Variants in CSMD1 observed in about 807,000 individuals in gnomAD.
The protein encoded by CSMD1 is CUB and sushi domain-containing protein 1.
Under a neutral mutation model 417.5 loss-of-function variants are expected in CSMD1, and 213 were observed. The ratio of observed to expected loss-of-function variants is 0.51; its 90% CI spans 0.46 to 0.57. CSMD1 has a LOEUF of 0.57. CSMD1 is among the 20% of genes least tolerant of loss of function. The probability of loss-of-function intolerance (pLI) is 0.00; values close to 1 mark genes in which losing one functional copy is unlikely to be tolerated. For synonymous variants in CSMD1, 2,862 were observed against 1,736.8 expected, an observed-to-expected ratio of 1.65 and a Z score of -16.11; for missense variants, 6,923 against 4,529.7, an observed-to-expected ratio of 1.53 and a Z score of -15.17.
chr8:3,652,727 C>A (rs1172352794), intron 7 of CSMD1, among the ~76,000 whole-genome samples: 1 of 152,066 alleles, frequency 6.6e-6, no homozygotes, highest in African/African-American at 2.4e-5. Flanking sequence ...GTGACCCCGC[C>A]CCTAACAAGT....
intron 2 of CSMD1, among the ~76,000 whole-genome samples, chr8:4,448,183 C>T (rs1563185053): frequency 6.6e-6 from 1 of 152,132 alleles, no homozygotes; most frequent in African/African-American, 2.4e-5. Context: ...ACCATAATGT[C>T]TATTTTTAAA....
intron 26 of CSMD1, among the ~76,000 whole-genome samples, chr8:3,249,348 G>A (rs928128775): frequency 5.3e-5 from 8 of 152,024 alleles, no homozygotes; most frequent in Non-Finnish European, 7.4e-5. Context: ...TCAGCCACCC[G>A]AGGAGCTGCG....
chr8:4,650,303 C>A (rs1212932473), intron 1 of CSMD1, among the ~76,000 whole-genome samples: 5 of 140,670 alleles, frequency 3.6e-5, no homozygotes, highest in African/African-American at 1.4e-4. Context: ...CTAGATGGTG[C>A]CACTGCACTC....
intron 5 of CSMD1, among the ~76,000 whole-genome samples, chr8:3,997,259 C>T (rs949017301): frequency 8.5e-5 from 13 of 152,152 alleles, no homozygotes; most frequent in African/African-American, 2.7e-4. Context: ...TGGACACAAA[C>T]GATACTATTC....
At chr8:3,044,087 C>A (rs1398555063) in intron 50 of CSMD1, among the ~76,000 whole-genome samples, 9 of 152,088 alleles carry the variant, frequency 5.9e-5, no homozygotes, top group Admixed American at 5.9e-4. Context: ...GTTATGATAG[C>A]AGCTTGATGT....
chr8:4,172,173 C>T (rs1171826888), intron 3 of CSMD1, among the ~76,000 whole-genome samples: 1 of 151,954 alleles, frequency 6.6e-6, no homozygotes, highest in African/African-American at 2.4e-5. Context: ...AGTGTTTGTG[C>T]CTTTTAATGA....
chr8:4,543,424 CT>C (rs1296700223), intron 2 of CSMD1, among the ~76,000 whole-genome samples: 3 of 152,034 alleles, frequency 2.0e-5, no homozygotes, highest in Non-Finnish European at 2.9e-5. Context: ...GCTTATTTTA[CT>C]TAGCATTGTG....
chr8:3,499,762 A>G lies in CSMD1; in HGVS notation c.1345-6036T>C, dbSNP rs368198214. On this transcript the variant is annotated intron_variant, in intron 10 of 69. Transcript: ENST00000635120. ...AGTGCAGCTGGGGTCATAGTCCTGC[A>G]TCCTTCTCCTTGGCTGTGGTGGGAT... Among the ~76,000 whole-genome samples, 42 of 152,088 alleles carry G rather than the reference A, an allele frequency of 2.8e-4. No homozygotes were observed. In the South Asian group the frequency reaches 7.5e-3, roughly 27 times the overall value.
chr8:4,446,229 T>C (rs760206174), intron 2 of CSMD1, among the ~76,000 whole-genome samples: 2 of 152,182 alleles, frequency 1.3e-5, no homozygotes, highest in African/African-American at 4.8e-5. Flanking sequence ...ATTTCTAGGA[T>C]ACCTTTGGGA....
At chr8:3,538,132 T>G (rs998941558) in intron 10 of CSMD1, among the ~76,000 whole-genome samples, 1 of 152,232 alleles carries the variant, frequency 6.6e-6, no homozygotes, top group African/African-American at 2.4e-5. Flanking sequence ...CGATTGCACA[T>G]GGACTTCTAG....
chr8:4,406,631 G>C (rs970650495), intron 3 of CSMD1, among the ~76,000 whole-genome samples: 2 of 152,064 alleles, frequency 1.3e-5, no homozygotes, highest in South Asian at 2.1e-4. Flanking sequence ...GCTGGGACTG[G>C]CCACACAACA....
At chr8:4,965,738 T>G (rs62489446) in intron 1 of CSMD1, among the ~76,000 whole-genome samples, 9,711 of 152,198 alleles carry the variant, frequency 0.064, 380 homozygotes, top group Middle Eastern at 0.19. Flanking sequence ...ATTTTTAGAG[T>G]GAAATACTAA....
intron 2 of CSMD1, among the ~76,000 whole-genome samples, chr8:4,429,035 A>C (rs996422625): frequency 5.9e-5 from 9 of 152,018 alleles, no homozygotes; most frequent in Non-Finnish European, 1.2e-4. Context: ...TATTTTTTTA[A>C]TAAGAGTTTT....
At chr8:3,799,314 G>C (rs1443424066) in intron 5 of CSMD1, among the ~76,000 whole-genome samples, 1 of 150,756 alleles carries the variant, frequency 6.6e-6, no homozygotes, top group Non-Finnish European at 1.5e-5. Flanking sequence ...TGTTACATAT[G>C]TACACATGTG....
chr8:4,650,187 T>TA (rs1803800265), intron 1 of CSMD1, among the ~76,000 whole-genome samples: 1 of 151,178 alleles, frequency 6.6e-6, no homozygotes, highest in Admixed American at 6.6e-5. Flanking sequence ...CTAATAAAAA[T>TA]CCAAAAAATT....
chr8:3,964,532 T>C (rs1812545811), intron 5 of CSMD1, among the ~76,000 whole-genome samples: 2 of 152,186 alleles, frequency 1.3e-5, no homozygotes, highest in South Asian at 2.1e-4. Flanking sequence ...TAGGAAGAAA[T>C]GAGCACCACC....
intron 7 of CSMD1, among the ~76,000 whole-genome samples, chr8:3,664,254 A>T (rs929923539): frequency 2.6e-5 from 4 of 152,084 alleles, no homozygotes; most frequent in Admixed American, 2.6e-4. Context: ...TCATTGTTCA[A>T]TTCCCACCTA....
chr8:4,526,029 G>C (rs17343946), intron 2 of CSMD1, among the ~76,000 whole-genome samples: 29,927 of 152,086 alleles, frequency 0.2, 3,532 homozygotes, highest in Non-Finnish European at 0.25. Context: ...AGAAGGAGTG[G>C]AGCGGGTGAT....
chr8:3,984,767 G>A (rs1183806309), intron 5 of CSMD1, among the ~76,000 whole-genome samples: 1 of 140,466 alleles, frequency 7.1e-6, no homozygotes, highest in Non-Finnish European at 1.5e-5. Flanking sequence ...ATGTATTTGT[G>A]CGTGTGTGTG....
Sources: gnomAD v4.1 joint callset for allele counts (sites outside exome capture counted in the v4.1 genomes callset) on GRCh38, gnomAD v4.1.1 for gene constraint, MANE v1.5 for transcripts, NCBI Gene and HGNC (gene_info 2026-07-23, HGNC 2026-07-21) for gene names.